TRPC4AP: variants seen among roughly 807,000 people sequenced by gnomAD.
TRPC4AP encodes short transient receptor potential channel 4-associated protein.
TRPC4AP carries 45 observed loss-of-function variants against 99.0 expected under a neutral mutation model. The ratio of observed to expected loss-of-function variants is 0.45; its 90% confidence interval spans 0.36 to 0.58. The LOEUF (loss-of-function observed/expected upper bound fraction) is 0.58, where lower values mean the gene tolerates loss of function less well. TRPC4AP is among the 20% of genes least tolerant of loss of function. The pLI, the probability that TRPC4AP is intolerant of heterozygous loss-of-function variation, is 0.00. For synonymous variants in TRPC4AP, 408 were observed against 385.8 expected, an observed-to-expected ratio of 1.06 and a Z score of -0.67; for missense variants, 879 against 985.3, an observed-to-expected ratio of 0.89 and a Z score of 1.44.
In TRPC4AP at chr20:35,085,029, AATAG is replaced by A. The variant is rs770529488; in HGVS notation, c.169-6859_169-6856del. Among the ~76,000 whole-genome samples the A allele has an allele frequency of 3.0e-4, 45 of 152,308 alleles. 1 individual carries two copies. Among genetic ancestry groups the A allele is most frequent in the Admixed American group, 1.1e-3 (17 of 15,284 alleles). On this transcript the variant is annotated intron_variant, in intron 1 of 18. Transcript: ENST00000252015. The stretch of plus-strand genomic sequence containing the variant: ...ATCCTAGTCTTTCAAGAGCGAAGAA[AATAG>A]ATAGTATCTAAAAGTGAAAAGAAAC...
chr20:35,092,567 T>A, intron 1 of TRPC4AP, 47 bp downstream of exon 1: 29 of 1,209,708 alleles, frequency 2.4e-5, no homozygotes, highest in Middle Eastern at 2.9e-4. Context: ...CCCCGCCAGC[T>A]CCCGCCTGGT....
At chr20:35,026,158 G>A (rs1006758622) in intron 8 of TRPC4AP, among the ~76,000 whole-genome samples, 1 of 151,796 alleles carries the variant, frequency 6.6e-6, no homozygotes, top group South Asian at 2.1e-4. Context: ...CAGGCCAGCA[G>A]CATAGTGTCT....
chr20:35,029,662 G>T (rs1600545015), intron 8 of TRPC4AP, among the ~76,000 whole-genome samples: 2 of 95,516 alleles, frequency 2.1e-5, no homozygotes, highest in Non-Finnish European at 1.9e-5. Context: ...TTGAGACAGA[G>T]TCTCGCTCTG....
At chr20:35,021,485 C>A in intron 8 of TRPC4AP, 129 bp from the exon 9 acceptor site, 2 of 1,049,230 alleles carry the variant, frequency 1.9e-6, no homozygotes, top group Non-Finnish European at 2.7e-6. Context: ...AACACAGACT[C>A]TGAAAGCTGC....
chr20:35,072,593 G>C (rs146806038), intron 2 of TRPC4AP, among the ~76,000 whole-genome samples: 1 of 152,150 alleles, frequency 6.6e-6, no homozygotes, highest in African/African-American at 2.4e-5. Flanking sequence ...GACAGTTGTA[G>C]ATATGCGGCA....
intron 9 of TRPC4AP, among the ~76,000 whole-genome samples, chr20:35,018,108 A>T (rs1400137562): frequency 6.6e-6 from 1 of 152,212 alleles, no homozygotes; most frequent in Non-Finnish European, 1.5e-5. Context: ...CAATGGCCCA[A>T]AAAAATTCAT....
At chr20:35,061,496 T>G (rs1052261305) in intron 3 of TRPC4AP, among the ~76,000 whole-genome samples, 1 of 152,216 alleles carries the variant, frequency 6.6e-6, no homozygotes, top group African/African-American at 2.4e-5. Flanking sequence ...GAAATTCACA[T>G]GCAAATATAA....
Position 35,003,064 on chromosome 20 carries a change from A to G in TRPC4AP, c.*82T>C. The G allele has an allele frequency of 6.4e-7, 1 of 1,564,590 alleles. No homozygotes were observed. The highest frequency in any genetic ancestry group is 1.2e-5 in the South Asian group (1 of 85,360). ...GGGCAGGCAGAGAGCAGCAGGGAGG[A>G]ACGGGAACAGGGCAGGGCGTGTGGC... On this transcript the variant is annotated 3_prime_UTR_variant, in exon 19 of 19. Transcript: ENST00000252015.
intron 8 of TRPC4AP, among the ~76,000 whole-genome samples, chr20:35,021,728 C>T (rs920106655): frequency 2.6e-5 from 4 of 152,182 alleles, no homozygotes; most frequent in South Asian, 2.1e-4. Flanking sequence ...CTCTTCAAGT[C>T]GCAAATGGCC....
chr20:35,043,098 A>C (rs2083476799), intron 7 of TRPC4AP, among the ~76,000 whole-genome samples: 1 of 151,910 alleles, frequency 6.6e-6, no homozygotes, highest in Non-Finnish European at 1.5e-5. Flanking sequence ...TATCTTGGAG[A>C]TTTTTCTATA....
In TRPC4AP at chr20:35,092,748, C is replaced by A. The variant is rs2085112418; in HGVS notation, c.34G>T (p.Ala12Ser). 2 of 1,556,208 alleles carry A rather than the reference C, an allele frequency of 1.3e-6. No homozygotes were observed. Among genetic ancestry groups the A allele is most frequent in the South Asian group, 1.2e-5 (1 of 86,914 alleles). ...GCTGCCGACCGTCTCCCTCGGCCGGCTCCAGACCCAGCCGCTACCGGCGCC... is the reference window on the plus strand; with the variant it reads ...GCTGCCGACCGTCTCCCTCGGCCGGATCCAGACCCAGCCGCTACCGGCGCC... ...AAAPVAAGSG[A>S]GRGRRSAATV... Residue 12 changes from alanine to serine, a missense_variant, in exon 1 of 19, where the codon GCC becomes TCC. Ala to Ser is a moderately conservative substitution (Grantham distance 99). Around this residue, in one of 3 missense-constraint regions of TRPC4AP, gnomAD observed 603 missense variants for 631.8 expected, o/e 0.95. Coordinates refer to ENST00000252015, the MANE Select transcript of TRPC4AP (RefSeq NM_015638.3).
intron 1 of TRPC4AP, among the ~76,000 whole-genome samples, chr20:35,079,363 C>CA (rs577691305): frequency 9.0e-4 from 137 of 152,200 alleles, no homozygotes; most frequent in Middle Eastern, 3.4e-3. Flanking sequence ...TATAACTTAT[C>CA]AAAATTTGTG....
chr20:35,070,715 TC>T (rs1240307445), intron 2 of TRPC4AP, among the ~76,000 whole-genome samples: 1 of 152,154 alleles, frequency 6.6e-6, no homozygotes, highest in East Asian at 1.9e-4. Context: ...TGTTATTTCT[TC>T]CCTAGACTAA....
chr20:35,060,708 T>C (rs2083983241), intron 3 of TRPC4AP, among the ~76,000 whole-genome samples: 1 of 149,352 alleles, frequency 6.7e-6, no homozygotes, highest in Non-Finnish European at 1.5e-5. Flanking sequence ...TAATACACCA[T>C]ATCAATAGAA....
At chr20:35,047,088 C>T (rs1351174912) in intron 6 of TRPC4AP, among the ~76,000 whole-genome samples, 1 of 152,186 alleles carries the variant, frequency 6.6e-6, no homozygotes, top group East Asian at 1.9e-4. Flanking sequence ...AGGCTGGTCT[C>T]CTGACCTCAA....
At chr20:35,027,584 G>T (rs1198621775) in intron 8 of TRPC4AP, among the ~76,000 whole-genome samples, 1 of 152,162 alleles carries the variant, frequency 6.6e-6, no homozygotes. Flanking sequence ...TTAGAGTCTG[G>T]AAAGTATTGG....
intron 8 of TRPC4AP, among the ~76,000 whole-genome samples, chr20:35,033,860 T>TC (rs2083257551): frequency 1.4e-5 from 1 of 69,750 alleles, no homozygotes; most frequent in Non-Finnish European, 3.1e-5. Context: ...AATAAAAGAG[T>TC]AAAGGCCGGG....
At chr20:35,041,386 T>C (rs1238166372) in intron 7 of TRPC4AP, among the ~76,000 whole-genome samples, 1 of 151,912 alleles carries the variant, frequency 6.6e-6, no homozygotes, top group Non-Finnish European at 1.5e-5. Context: ...ATGGTCAGGG[T>C]TGGGAAGGGT....
chr20:35,068,978 C>A (rs6120820), intron 3 of TRPC4AP, among the ~76,000 whole-genome samples: 34,116 of 91,582 alleles, frequency 0.37, 4,700 homozygotes, highest in Middle Eastern at 0.47. Flanking sequence ...CACACACACA[C>A]AAAAAAAACA....
Sources: allele counts gnomAD v4.1 joint callset (sites outside exome capture counted in the v4.1 genomes callset), GRCh38; gene constraint gnomAD v4.1.1; regional missense constraint gnomAD v4.1.1; transcripts MANE v1.5; gene names NCBI Gene and HGNC (gene_info 2026-07-23, HGNC 2026-07-21).